The following RNF6 variants were observed in gnomAD, a reference collection of about 807,000 sequenced individuals.
RNF6 encodes the protein ring finger protein 6.
In RNF6, 21 loss-of-function variants were observed where a neutral mutation model predicts 50.1. The ratio of observed to expected loss-of-function variants is 0.42; its 90% CI spans 0.30 to 0.60. The LOEUF is 0.60. Among genes scored for constraint, RNF6 ranks in the 20% least tolerant of loss-of-function variants. The probability of loss-of-function intolerance (pLI) is 0.20; values close to 1 mark genes in which losing one functional copy is unlikely to be tolerated. For missense variants in RNF6, 698 were observed against 838.2 expected (o/e 0.83, Z 2.07); for synonymous variants, 255 against 291.8 (o/e 0.87, Z 1.29).
chr13:26,132,708 G>A (rs556988612), intron 5 of RNF6, among the ~76,000 whole-genome samples: 2 of 152,170 alleles, frequency 1.3e-5, no homozygotes, highest in Non-Finnish European at 2.9e-5. Context: ...TGTACTGAAA[G>A]TATTGTTTTT....
chr13:26,215,630 AAG>A, intron 4 of RNF6, 38 bp from the exon 5 acceptor site: 1 of 1,509,060 alleles, frequency 6.6e-7, no homozygotes. Context: ...ATCAATTCCT[AAG>A]ACACACCTTA....
chr13:26,222,743 C>T (rs1452204008), upstream of RNF6: 1 of 152,326 alleles, frequency 6.6e-6, no homozygotes, highest in Non-Finnish European at 1.5e-5. Flanking sequence ...GCGATCCTCC[C>T]TCCTCATCCC....
intron 5 of RNF6, among the ~76,000 whole-genome samples, chr13:26,157,822 T>C (rs1872004155): frequency 6.6e-6 from 1 of 152,094 alleles, no homozygotes. Flanking sequence ...TCTAGAAACT[T>C]TACTCTGGTT....
chr13:26,186,296 G>A (rs1417870651), intron 5 of RNF6, among the ~76,000 whole-genome samples: 1 of 152,252 alleles, frequency 6.6e-6, no homozygotes, highest in Non-Finnish European at 1.5e-5. Flanking sequence ...GTGTGGAGAC[G>A]CCAGGGCGCG....
intron 5 of RNF6, among the ~76,000 whole-genome samples, chr13:26,195,590 T>C (rs900173798): frequency 7.2e-5 from 11 of 152,180 alleles, no homozygotes; most frequent in Admixed American, 5.2e-4. Flanking sequence ...AAATTACACC[T>C]GGGCATATCA....
At chr13:26,148,098 C>G (rs374127374) in intron 5 of RNF6, among the ~76,000 whole-genome samples, 2 of 152,044 alleles carry the variant, frequency 1.3e-5, no homozygotes. Flanking sequence ...TGACATAAGG[C>G]GAAGGAGAAG....
At chr13:26,182,497 G>T (rs1012205964) in intron 5 of RNF6, among the ~76,000 whole-genome samples, 1 of 152,120 alleles carries the variant, frequency 6.6e-6, no homozygotes, top group African/African-American at 2.4e-5. Flanking sequence ...ATTGTAAATG[G>T]TATTTTTCCA....
downstream of RNF6, among the ~76,000 whole-genome samples, chr13:26,209,855 G>A (rs549303123): frequency 6.6e-6 from 1 of 151,010 alleles, no homozygotes; most frequent in Admixed American, 6.7e-5. Flanking sequence ...CACAATAGAG[G>A]AAAAATATGT....
intron 5 of RNF6, chr13:26,149,156 A>C (rs1871421240): frequency 6.6e-6 from 1 of 152,150 alleles, no homozygotes; most frequent in Admixed American, 6.5e-5. Context: ...AAAATTAATC[A>C]TCACATTTAC....
intron 5 of RNF6, among the ~76,000 whole-genome samples, chr13:26,134,754 A>G (rs1189521597): frequency 6.6e-6 from 1 of 152,162 alleles, no homozygotes; most frequent in African/African-American, 2.4e-5. Flanking sequence ...CCATCTTCCC[A>G]GAAATCAAAC....
chr13:26,182,727 C>A (rs185907732), intron 5 of RNF6, among the ~76,000 whole-genome samples: 26 of 152,224 alleles, frequency 1.7e-4, no homozygotes, highest in Non-Finnish European at 3.2e-4. Flanking sequence ...ATTGCTTGAG[C>A]CTGGGAGATC....
intron 5 of RNF6, among the ~76,000 whole-genome samples, chr13:26,190,603 T>C (rs1407084962): frequency 1.3e-5 from 2 of 152,216 alleles, no homozygotes; most frequent in East Asian, 3.8e-4. Flanking sequence ...ACATGGGTTC[T>C]TACCTTAAGC....
chr13:26,222,759 CTGGAACTACAGGCGCT>C (rs1408714577), upstream of RNF6: 8 of 152,392 alleles, frequency 5.2e-5, no homozygotes, highest in African/African-American at 1.9e-4. Flanking sequence ...ATCCCAGTAG[CTGGAACTACAGGCGCT>C]TGCCATTAAT....
intron 5 of RNF6, among the ~76,000 whole-genome samples, chr13:26,203,063 C>T (rs1320112255): frequency 2.0e-5 from 3 of 152,198 alleles, no homozygotes; most frequent in East Asian, 3.8e-4. Context: ...AATTAAGGTA[C>T]TTGCATAAGG....
intron 5 of RNF6, among the ~76,000 whole-genome samples, chr13:26,150,193 G>A (rs1024785126): frequency 3.3e-5 from 5 of 151,980 alleles, no homozygotes; most frequent in South Asian, 2.1e-4. Flanking sequence ...AACGCACAAT[G>A]AGCAATTCCG....
chr13:26,219,726 G>A, intron 2 of RNF6, 59 bp from the exon 3 acceptor site: 1 of 1,426,500 alleles, frequency 7.0e-7, no homozygotes, highest in Non-Finnish European at 9.4e-7. Context: ...ATTTGGCTTT[G>A]TATTTTTAAC....
intron 5 of RNF6, among the ~76,000 whole-genome samples, chr13:26,146,770 GCTTAATGGACC>G (rs1345838014): frequency 2.0e-5 from 3 of 152,124 alleles, no homozygotes; most frequent in African/African-American, 7.2e-5. Context: ...CACAATGTCT[GCTTAATGGACC>G]TGATATGGTT....
chr13:26,168,495 C>A (rs1243046683), intron 5 of RNF6, among the ~76,000 whole-genome samples: 1 of 152,208 alleles, frequency 6.6e-6, no homozygotes, highest in African/African-American at 2.4e-5. Flanking sequence ...CGTCTTCTTC[C>A]TCCTTTTCTC....
intron 5 of RNF6, among the ~76,000 whole-genome samples, chr13:26,176,864 G>A (rs1006569112): frequency 6.6e-6 from 1 of 152,202 alleles, no homozygotes; most frequent in African/African-American, 2.4e-5. Flanking sequence ...AACCCAGGAG[G>A]CAGTGGTTGC....
Sources: gnomAD v4.1 joint callset for allele counts (sites outside exome capture counted in the v4.1 genomes callset) on GRCh38, gnomAD v4.1.1 for gene constraint, MANE v1.5 for transcripts, NCBI Gene and HGNC (gene_info 2026-07-23, HGNC 2026-07-21) for gene names.